SYT16: variants seen among roughly 807,000 people sequenced by gnomAD.
SYT16 encodes synaptotagmin-16.
A neutral mutation model predicts 61.4 loss-of-function variants in SYT16; 42 were observed. That is an observed-to-expected ratio of 0.68 (90% CI 0.53 to 0.89). The LOEUF is 0.89. SYT16 is among the 40% of genes least tolerant of loss of function. The pLI is 0.00. For missense variants in SYT16, 804 were observed against 807.3 expected (o/e 1.00, Z 0.05); for synonymous variants, 314 against 302.3 (o/e 1.04, Z -0.40).
intron 5 of SYT16, among the ~76,000 whole-genome samples, chr14:62,076,317 T>C (rs1000522538): frequency 6.6e-6 from 1 of 152,226 alleles, no homozygotes; most frequent in South Asian, 2.1e-4. Flanking sequence ...AAACCTTTAA[T>C]ATAATTTGCA....
At chr14:61,890,287 G>T (rs981492143) in intron 1 of SYT16, among the ~76,000 whole-genome samples, 2 of 152,186 alleles carry the variant, frequency 1.3e-5, no homozygotes, top group African/African-American at 2.4e-5. Flanking sequence ...GGAGTTCCCA[G>T]AGCTTTGGAT....
At chr14:62,086,617 C>T (rs955617156) in intron 7 of SYT16, among the ~76,000 whole-genome samples, 5 of 152,076 alleles carry the variant, frequency 3.3e-5, no homozygotes, top group Admixed American at 6.5e-5. Context: ...GTAATACATG[C>T]AAAACTGTGA....
intron 1 of SYT16, among the ~76,000 whole-genome samples, chr14:61,836,845 A>AT (rs1216921770): frequency 2.0e-5 from 3 of 152,108 alleles, no homozygotes; most frequent in Non-Finnish European, 2.9e-5. Flanking sequence ...ACTTCTATGA[A>AT]TTTTTTTGTG....
chr14:62,075,467 C>CCA, intron 5 of SYT16, 76 bp downstream of exon 5: 1 of 1,230,788 alleles, frequency 8.1e-7, no homozygotes, highest in Non-Finnish European at 1.1e-6. Context: ...TCTCATCTCT[C>CCA]TAAAAAAAAA....
chr14:62,079,359 G>A, intron 5 of SYT16: 1 of 1,218,970 alleles, frequency 8.2e-7, no homozygotes, highest in Non-Finnish European at 1.1e-6. Context: ...AATCTTAAAA[G>A]AAAAGGATAT....
chr14:61,854,680 A>G (rs749527216), intron 1 of SYT16, among the ~76,000 whole-genome samples: 2 of 152,234 alleles, frequency 1.3e-5, no homozygotes, highest in Non-Finnish European at 2.9e-5. Flanking sequence ...AAAGTGAGGA[A>G]AGAGAGGAAC....
chr14:62,000,474 A>G (rs12879754), intron 3 of SYT16, among the ~76,000 whole-genome samples: 31,381 of 151,846 alleles, frequency 0.21, 3,649 homozygotes, highest in Non-Finnish European at 0.26. Flanking sequence ...ATAGCATATA[A>G]TTGGGTCTTA....
intron 1 of SYT16, among the ~76,000 whole-genome samples, chr14:61,893,500 A>G (rs2048212133): frequency 6.6e-6 from 1 of 152,214 alleles, no homozygotes; most frequent in Admixed American, 6.5e-5. Context: ...AATTAACCTC[A>G]TCAAGCCTTT....
chr14:61,945,377 A>G (rs2050381805), intron 1 of SYT16, among the ~76,000 whole-genome samples: 1 of 152,220 alleles, frequency 6.6e-6, no homozygotes. Context: ...CAGCAATCCC[A>G]TTACTGTGTA....
chr14:61,925,167 C>T (rs11625750), intron 1 of SYT16, among the ~76,000 whole-genome samples: 54,444 of 152,090 alleles, frequency 0.36, 9,895 homozygotes, highest in Admixed American at 0.43. Flanking sequence ...GTCTCTGGCA[C>T]GGTAACCTAG....
chr14:62,062,084 A>G (rs1168435884), intron 3 of SYT16, among the ~76,000 whole-genome samples: 1 of 152,196 alleles, frequency 6.6e-6, no homozygotes, highest in African/African-American at 2.4e-5. Flanking sequence ...TTGTAATGGA[A>G]GATTTTCTAT....
chr14:62,036,442 C>G (rs2054511086), intron 3 of SYT16, among the ~76,000 whole-genome samples: 1 of 151,982 alleles, frequency 6.6e-6, no homozygotes. Context: ...TGCTGGCCAT[C>G]AGTATGGAGG....
chr14:61,861,393 C>A (rs2046957837), intron 1 of SYT16, among the ~76,000 whole-genome samples: 1 of 152,102 alleles, frequency 6.6e-6, no homozygotes, highest in South Asian at 2.1e-4. Context: ...ATCACAGATG[C>A]CTTTTACTTT....
In SYT16 at chr14:62,107,280, A is replaced by G. The variant is rs1199089300; in HGVS notation, c.*6573A>G. 2 of 151,922 alleles carry G rather than the reference A, an allele frequency of 1.3e-5. No individual in the cohort carries two copies. The highest frequency in any genetic ancestry group is 2.9e-5 in the Non-Finnish European group (2 of 68,002). The allele number at this position is 151,922 out of a possible 1,614,324, so 9.4% of individuals were successfully genotyped here. The stretch of plus-strand genomic sequence containing the variant: ...GAGATCTTGTCTCTACAAAATACCA[A>G]ACATTCGCTGGGTATGGTGGTGTGC... On this transcript the variant is annotated 3_prime_UTR_variant, in exon 8 of 8. Coordinates refer to ENST00000683842, the MANE Select transcript of SYT16 (RefSeq NM_001367656.1).
chr14:61,963,788 C>T (rs1311513864), intron 1 of SYT16, among the ~76,000 whole-genome samples: 3 of 152,120 alleles, frequency 2.0e-5, no homozygotes, highest in South Asian at 2.1e-4. Context: ...CTTCAAAGGG[C>T]GAGCTGGCCC....
In SYT16 at chr14:62,101,663, A is replaced by C. The variant is rs931044027; in HGVS notation, c.*956A>C. ...TATTTTCCATCACTAGAGCATAGTA[A>C]ATTGTACACAGTGAGTCCTTAATAA... On this transcript the variant is annotated 3_prime_UTR_variant, in exon 8 of 8. Transcript: ENST00000683842. 3 of 152,232 alleles carry C rather than the reference A, an allele frequency of 2.0e-5. No individual in the cohort carries two copies. Among genetic ancestry groups the C allele is most frequent in the African/African-American group, 7.2e-5 (3 of 41,460 alleles). 9.4% of individuals were successfully genotyped at this position (152,232 alleles called of 1,614,324 possible).
At chr14:61,891,657 A>G (rs980433980) in intron 1 of SYT16, among the ~76,000 whole-genome samples, 1 of 152,268 alleles carries the variant, frequency 6.6e-6, no homozygotes, top group Non-Finnish European at 1.5e-5. Context: ...ACAACTTATT[A>G]GAACAGAGAA....
chr14:62,036,164 G>A (rs540028704), intron 3 of SYT16, among the ~76,000 whole-genome samples: 3 of 152,300 alleles, frequency 2.0e-5, no homozygotes, highest in Admixed American at 1.3e-4. Context: ...TTTGTTTTCT[G>A]TGGGAGGTGG....
chr14:61,950,892 T>G (rs1192155506), intron 1 of SYT16, among the ~76,000 whole-genome samples: 2 of 152,206 alleles, frequency 1.3e-5, no homozygotes, highest in Non-Finnish European at 2.9e-5. Context: ...GGTTTTTGTT[T>G]TCTTTTCCCC....
Sources: allele counts gnomAD v4.1 joint callset (sites outside exome capture counted in the v4.1 genomes callset), GRCh38; gene constraint gnomAD v4.1.1; transcripts MANE v1.5; gene names NCBI Gene and HGNC (gene_info 2026-07-23, HGNC 2026-07-21).